The following DNAH7 variants were observed in gnomAD, a reference collection of about 807,000 sequenced individuals.
The protein encoded by DNAH7 is dynein axonemal heavy chain 7, also known as axonemal beta dynein heavy chain 7.
A neutral mutation model predicts 444.6 loss-of-function variants in DNAH7; 397 were observed. The ratio of observed to expected loss-of-function variants is 0.89; its 90% confidence interval spans 0.82 to 0.97. DNAH7 has a LOEUF of 0.97. DNAH7 is among the 50% of genes least tolerant of loss of function. The probability of loss-of-function intolerance (pLI) is 0.00; values close to 1 mark genes in which losing one functional copy is unlikely to be tolerated. For missense variants in DNAH7, 4,902 were observed against 4,800.8 expected (o/e 1.02, Z -0.62); for synonymous variants, 1,636 against 1,624.4 (o/e 1.01, Z -0.17).
At chr2:195,887,854 C>T (rs774176122) in intron 33 of DNAH7, among the ~76,000 whole-genome samples, 14 of 139,282 alleles carry the variant, frequency 1.0e-4, no homozygotes, top group Non-Finnish European at 2.0e-4. Flanking sequence ...CCAGTGTGTA[C>T]TGAAAGAAAG....
chr2:195,936,866 G>A, intron 19 of DNAH7, 74 bp from the exon 20 acceptor site: 1 of 1,132,974 alleles, frequency 8.8e-7, no homozygotes, highest in Non-Finnish European at 1.2e-6. Flanking sequence ...TATTATATTT[G>A]AGATTATATG....
chr2:195,760,135 C>A (rs1241189226), intron 61 of DNAH7, among the ~76,000 whole-genome samples: 1 of 151,910 alleles, frequency 6.6e-6, no homozygotes, highest in Non-Finnish European at 1.5e-5. Context: ...TCCCTGTGAA[C>A]CTGTGATGAT....
rs376407956 is a variant in DNAH7, at chr2:196,019,214, G to C, written c.825C>G (p.Asn275Lys). 1 of 1,529,364 alleles carries C rather than the reference G, an allele frequency of 6.5e-7. No homozygotes were observed. The highest frequency in any genetic ancestry group is 1.4e-5 in the African/African-American group (1 of 73,516). The allele number at this position is 1,529,364 out of a possible 1,614,324, so 94.7% of individuals were successfully genotyped here. A position where few individuals can be genotyped will look rare whatever the true frequency, so the allele number is the denominator to read the frequency against. ...AATCTAGTACAGCCAGCATTGTGGG[G>C]TTCATTGCATTCAAGTGATCCCTAA... ...SYIRDHLNAMNPTMLAVLDLW... is the reference protein window; with the variant it reads ...SYIRDHLNAMKPTMLAVLDLW... The change falls in exon 9 of 65, where the codon AAC becomes AAG. Residue 275 changes from asparagine (N) to lysine (K), a missense_variant. Asn to Lys is a moderately conservative substitution (Grantham distance 94, BLOSUM62 0). Transcript: ENST00000312428.
chr2:195,971,390 A>G lies in DNAH7; in HGVS notation c.2058+852T>C, dbSNP rs77467538. Among the ~76,000 whole-genome samples the G allele has an allele frequency of 2.3e-3, 351 of 152,330 alleles. 2 individuals carry two copies. The highest frequency in any genetic ancestry group is 7.9e-3 in the African/African-American group (327 of 41,572). ...GTGGATATAAATGGAGAAATGTAAT[A>G]ATGAAACAGCCCTGCTCTCAAGGAG... is the stretch of plus-strand genomic sequence containing the variant. On this transcript the variant is annotated intron_variant, in intron 16 of 64. Transcript: ENST00000312428.
intron 51 of DNAH7, among the ~76,000 whole-genome samples, chr2:195,815,215 T>C (rs957710819): frequency 2.6e-5 from 4 of 152,086 alleles, no homozygotes; most frequent in African/African-American, 9.7e-5. Context: ...CTTGAAAATT[T>C]CAGAACTGGA....
In DNAH7 at chr2:195,888,265, T is replaced by G; in HGVS notation, c.5399A>C (p.His1800Pro). The G allele has an allele frequency of 1.2e-6, 2 of 1,608,242 alleles. No individual in the cohort carries two copies. The highest frequency in any genetic ancestry group is 1.7e-6 in the Non-Finnish European group (2 of 1,177,974). Reference protein sequence around the residue: ...VPVSVEFIRKHTKELSPTSDT... With the variant: ...VPVSVEFIRKPTKELSPTSDT... ...AATTCTCATTTCCCTTACCTTTGTA[T>G]GCTTTCTAATAAATTCAACCGAAAC... The change falls in exon 33 of 65, where the codon CAT becomes CCT. Residue 1800 changes from histidine (H) to proline (P), a missense_variant. Coordinates refer to ENST00000312428, the MANE Select transcript of DNAH7 (RefSeq NM_018897.3).
intron 38 of DNAH7, among the ~76,000 whole-genome samples, chr2:195,875,185 T>G (rs887474166): frequency 8.5e-5 from 13 of 152,218 alleles, no homozygotes; most frequent in Non-Finnish European, 1.8e-4. Context: ...GCAGCCTGTT[T>G]AAATCCAGAG....
chr2:195,777,713 C>A (rs377346524), intron 59 of DNAH7, 87 bp downstream of exon 59: 1 of 1,383,362 alleles, frequency 7.2e-7, no homozygotes, highest in East Asian at 2.3e-5. Context: ...ACAAGGCCTG[C>A]AGCAAAATCA....
intron 54 of DNAH7, among the ~76,000 whole-genome samples, chr2:195,800,799 T>G (rs1472883439): frequency 6.6e-6 from 1 of 152,162 alleles, no homozygotes; most frequent in East Asian, 1.9e-4. Flanking sequence ...CTATTTTTAC[T>G]CATTAAAAAA....
chr2:195,819,544 A>G (rs1484596779), intron 49 of DNAH7, among the ~76,000 whole-genome samples: 7 of 152,258 alleles, frequency 4.6e-5, no homozygotes, highest in African/African-American at 1.7e-4. Context: ...ATCAGGCTCT[A>G]TGATATAAAG....
chr2:195,786,332 A>G (rs1695620205), intron 58 of DNAH7, among the ~76,000 whole-genome samples: 2 of 152,216 alleles, frequency 1.3e-5, no homozygotes, highest in Admixed American at 6.5e-5. Context: ...AACTTTCAGA[A>G]AAAGGCCTCA....
intron 64 of DNAH7, 116 bp downstream of exon 64, chr2:195,740,650 T>TATATATATATATATATACAC (rs1453163601): frequency 4.2e-5 from 3 of 72,200 alleles, no homozygotes; most frequent in African/African-American, 2.0e-4. Flanking sequence ...TATATACATA[T>TATATATATATATATATACAC]ACACACACAC....
At chr2:196,050,431 T>C (rs113857601) in intron 3 of DNAH7, among the ~76,000 whole-genome samples, 14 of 152,294 alleles carry the variant, frequency 9.2e-5, no homozygotes, top group African/African-American at 3.4e-4. Flanking sequence ...GTAATAATTA[T>C]ACAACAATGT....
At chr2:195,893,069 T>C (rs960886636) in intron 30 of DNAH7, 6 of 145,550 alleles carry the variant, frequency 4.1e-5, no homozygotes, top group African/African-American at 1.5e-4. Flanking sequence ...GCCTCCTGAG[T>C]AGCTGGGACT....
At chr2:196,044,203 ATGTG>A (rs367981308) in intron 5 of DNAH7, among the ~76,000 whole-genome samples, 16 of 146,996 alleles carry the variant, frequency 1.1e-4, no homozygotes, top group African/African-American at 2.5e-4. Flanking sequence ...ATATATATAT[ATGTG>A]TGTGTGTGTG....
intron 19 of DNAH7, among the ~76,000 whole-genome samples, chr2:195,952,967 T>C (rs774206377): frequency 5.3e-5 from 8 of 152,194 alleles, no homozygotes; most frequent in Non-Finnish European, 1.2e-4. Flanking sequence ...TCCAGTGTTG[T>C]TCCCTTGCTG....
rs1001625239 is a variant in DNAH7, at chr2:195,938,387, C to T, written c.3079-1595G>A. On this transcript the variant is annotated intron_variant, in intron 19 of 64. Coordinates refer to ENST00000312428, the MANE Select transcript of DNAH7 (RefSeq NM_018897.3). ...ACACACACACACACACACACAAACA[C>T]ACACAGCATAACAGACTCAGGCCAT... Among the ~76,000 whole-genome samples, 41 of 151,282 alleles carry T rather than the reference C, an allele frequency of 2.7e-4. 1 individual carries two copies. Among genetic ancestry groups the T allele is most frequent in the African/African-American group, 1.0e-3 (41 of 41,088 alleles).
intron 42 of DNAH7, among the ~76,000 whole-genome samples, chr2:195,860,609 T>C (rs1183877983): frequency 1.3e-5 from 2 of 152,066 alleles, no homozygotes; most frequent in South Asian, 2.1e-4. Flanking sequence ...AGGAGTGTCA[T>C]ATCCATATCC....
At chr2:195,873,339 T>C (rs1438548768) in intron 39 of DNAH7, among the ~76,000 whole-genome samples, 1 of 152,162 alleles carries the variant, frequency 6.6e-6, no homozygotes. Context: ...TGGTGAAAAT[T>C]CAAAATAATA....
Sources: allele counts gnomAD v4.1 joint callset (sites outside exome capture counted in the v4.1 genomes callset), GRCh38; gene constraint gnomAD v4.1.1; transcripts MANE v1.5; gene names NCBI Gene and HGNC (gene_info 2026-07-23, HGNC 2026-07-21).